HRK: variants seen among roughly 807,000 people sequenced by gnomAD.
The protein encoded by HRK is activator of apoptosis harakiri.
In HRK, 6 loss-of-function variants were observed where a neutral mutation model predicts 5.9. The ratio of observed to expected loss-of-function variants is 1.02; its 90% CI spans 0.56 to 2.01. The LOEUF (loss-of-function observed/expected upper bound fraction) is 2.01, where lower values mean the gene tolerates loss of function less well. Among genes scored for constraint, HRK ranks in the 30% most tolerant of loss-of-function variants. HRK has a pLI of 0.00. For missense variants in HRK, 133 were observed against 128.3 expected (o/e 1.04, Z -0.18); for synonymous variants, 85 against 65.1 (o/e 1.31, Z -1.47).
intron 1 of HRK, among the ~76,000 whole-genome samples, chr12:116,864,303 C>T (rs1290402559): frequency 6.6e-6 from 1 of 152,144 alleles, no homozygotes; most frequent in Non-Finnish European, 1.5e-5. Flanking sequence ...ACCTATTATG[C>T]TATTGAGTGT....
At position 116,858,742 on chromosome 12, in the gene HRK, TC is replaced by T. The variant is rs1878248394; in HGVS notation, c.*2780del. 6.6e-6 allele frequency: 1 copy of T among 151,564 alleles called. No individual in the cohort carries two copies. Among genetic ancestry groups the T allele is most frequent in the South Asian group, 2.1e-4 (1 of 4,786 alleles). The allele number at this position is 151,564 out of a possible 1,614,324, so 9.4% of individuals were successfully genotyped here. On this transcript the variant is annotated 3_prime_UTR_variant, in exon 2 of 2. Coordinates refer to ENST00000257572, the MANE Select transcript of HRK (RefSeq NM_003806.4). ...AGTGAAGCTAATCAAAATCAATGAC[TC>T]CTTGGCAGCCAGAGAAAAGTGGGGG...
At chr12:116,870,963 A>G (rs1215319835) in intron 1 of HRK, among the ~76,000 whole-genome samples, 7 of 152,166 alleles carry the variant, frequency 4.6e-5, no homozygotes, top group South Asian at 2.1e-4. Flanking sequence ...CTGTCGCTCA[A>G]GCTGGAGTGC....
chr12:116,872,736 C>G (rs1313745222), intron 1 of HRK, among the ~76,000 whole-genome samples: 2 of 151,850 alleles, frequency 1.3e-5, no homozygotes, highest in Non-Finnish European at 2.9e-5. Context: ...GATCCTGCTA[C>G]TGCACTCCAG....
At chr12:116,867,177 T>C (rs1878577706) in intron 1 of HRK, among the ~76,000 whole-genome samples, 1 of 151,702 alleles carries the variant, frequency 6.6e-6, no homozygotes, top group African/African-American at 2.4e-5. Context: ...GTTTCGCAAT[T>C]ATTGCCCAGG....
intron 1 of HRK, among the ~76,000 whole-genome samples, chr12:116,877,346 G>A (rs1393820755): frequency 6.6e-6 from 1 of 151,948 alleles, no homozygotes; most frequent in African/African-American, 2.4e-5. Context: ...CTGAACCACT[G>A]GCCCGGCCTG....
intron 1 of HRK, chr12:116,876,799 C>G (rs1011153144): frequency 1.3e-5 from 2 of 152,394 alleles, no homozygotes; most frequent in African/African-American, 4.8e-5. Flanking sequence ...TCCCCTGGGG[C>G]TCTGGAAGAA....
Position 116,857,124 on chromosome 12 carries a change from T to G in HRK, c.*4399A>C, listed in dbSNP as rs1878179959. 1 of 152,224 alleles carries G rather than the reference T, an allele frequency of 6.6e-6. No individual in the cohort carries two copies. Among genetic ancestry groups the G allele is most frequent in the Admixed American group, 6.5e-5 (1 of 15,286 alleles). The allele number at this position is 152,224 out of a possible 1,614,324, so 9.4% of individuals were successfully genotyped here. A position where few individuals can be genotyped will look rare whatever the true frequency, so the allele number is the denominator to read the frequency against. ...AAAGCTTGGGGTCACAGTGGTGACC[T>G]GACAAATCTGTTAAACATCGTGAAC... On this transcript the variant is annotated 3_prime_UTR_variant, in exon 2 of 2. Coordinates refer to ENST00000257572, the MANE Select transcript of HRK (RefSeq NM_003806.4).
At chr12:116,875,355 A>G (rs529391970) in intron 1 of HRK, among the ~76,000 whole-genome samples, 4 of 152,180 alleles carry the variant, frequency 2.6e-5, no homozygotes, top group Non-Finnish European at 5.9e-5. Context: ...CAAGAACAAT[A>G]TTTACTTATT....
In HRK at chr12:116,857,391, G is replaced by T. The variant is rs556944111; in HGVS notation, c.*4132C>A. The T allele has an allele frequency of 6.6e-6, 1 of 152,334 alleles. No homozygotes were observed. Among genetic ancestry groups the T allele is most frequent in the Non-Finnish European group, 1.5e-5 (1 of 68,028 alleles). 9.4% of individuals were successfully genotyped at this position (152,334 alleles called of 1,614,324 possible). A position where few individuals can be genotyped will look rare whatever the true frequency, so the allele number is the denominator to read the frequency against. Reference sequence around the variant, plus strand: ...CTTCCAGTCAGCTCCATGGGACTAAGAAGAGTGTCTAGCTGGTCCCCCAAA... The same window carrying T: ...CTTCCAGTCAGCTCCATGGGACTAATAAGAGTGTCTAGCTGGTCCCCCAAA... On this transcript the variant is annotated 3_prime_UTR_variant, in exon 2 of 2. Coordinates refer to ENST00000257572, the MANE Select transcript of HRK (RefSeq NM_003806.4).
intron 1 of HRK, among the ~76,000 whole-genome samples, chr12:116,861,780 G>A (rs990820149): frequency 6.6e-6 from 1 of 152,196 alleles, no homozygotes; most frequent in African/African-American, 2.4e-5. Context: ...TTAAAAAGAA[G>A]AATCTAGAGA....
intron 1 of HRK, among the ~76,000 whole-genome samples, chr12:116,864,828 T>A (rs1004472918): frequency 1.3e-5 from 2 of 152,134 alleles, no homozygotes; most frequent in African/African-American, 2.4e-5. Context: ...GCAGTAGTAA[T>A]CGTGCAATTT....
At chr12:116,869,417 C>G (rs1210507197) in intron 1 of HRK, 1 of 152,180 alleles carries the variant, frequency 6.6e-6, no homozygotes, top group Non-Finnish European at 1.5e-5. Context: ...AGAGATAAAA[C>G]AGAATTTATT....
Position 116,861,278 on chromosome 12 carries a change from G to A in HRK, c.*245C>T, listed in dbSNP as rs563509806. 1 of 152,162 alleles carries A rather than the reference G, an allele frequency of 6.6e-6. No homozygotes were observed. Among genetic ancestry groups the A allele is most frequent in the Non-Finnish European group, 1.5e-5 (1 of 68,070 alleles). The allele number at this position is 152,162 out of a possible 1,614,324, so 9.4% of individuals were successfully genotyped here. On this transcript the variant is annotated 3_prime_UTR_variant, in exon 2 of 2. Transcript: ENST00000257572. ...AGAGCTGTATGTAAATAGCATTGGG[G>A]TGTCTGTTTCTGCAGCTGGATTTCC...
At chr12:116,875,016 C>T (rs1878880098) in intron 1 of HRK, among the ~76,000 whole-genome samples, 1 of 152,076 alleles carries the variant, frequency 6.6e-6, no homozygotes. Flanking sequence ...TCCATGGATT[C>T]AACCAACCTC....
In HRK at chr12:116,859,249, G is replaced by A. The variant is rs1194607520; in HGVS notation, c.*2274C>T. ...AACATCAAAAGCCAGTAGGCAAGTCGGGGCTGAAAAAGGGATCCTCTCACC... is the reference window on the plus strand; with the variant it reads ...AACATCAAAAGCCAGTAGGCAAGTCAGGGCTGAAAAAGGGATCCTCTCACC... On this transcript the variant is annotated 3_prime_UTR_variant, in exon 2 of 2. Coordinates refer to ENST00000257572, the MANE Select transcript of HRK (RefSeq NM_003806.4). The A allele has an allele frequency of 1.3e-5, 2 of 152,082 alleles. No individual in the cohort carries two copies. The highest frequency in any genetic ancestry group is 2.4e-5 in the African/African-American group (1 of 41,430). 9.4% of individuals were successfully genotyped at this position (152,082 alleles called of 1,614,324 possible).
Position 116,860,649 on chromosome 12 carries a change from A to G in HRK, c.*874T>C, listed in dbSNP as rs1211650041. 1.3e-5 allele frequency: 2 copies of G among 151,330 alleles called. No homozygotes were observed. The highest frequency in any genetic ancestry group is 2.9e-5 in the Non-Finnish European group (2 of 67,874). 9.4% of individuals were successfully genotyped at this position (151,330 alleles called of 1,614,324 possible). A position where few individuals can be genotyped will look rare whatever the true frequency, so the allele number is the denominator to read the frequency against. ...GGTTTGCTCCAAACCACCTCTGGATATTCGTCCCCAGGTAGAAGAAGAGAA... is the reference window on the plus strand; with the variant it reads ...GGTTTGCTCCAAACCACCTCTGGATGTTCGTCCCCAGGTAGAAGAAGAGAA... On this transcript the variant is annotated 3_prime_UTR_variant, in exon 2 of 2. Coordinates refer to ENST00000257572, the MANE Select transcript of HRK (RefSeq NM_003806.4).
At chr12:116,872,907 A>G (rs1249792123) in intron 1 of HRK, among the ~76,000 whole-genome samples, 2 of 138,446 alleles carry the variant, frequency 1.4e-5, no homozygotes, top group African/African-American at 5.2e-5. Flanking sequence ...AAGAGAGAAA[A>G]AGAGAAAGGA....
chr12:116,857,176 A>G lies in HRK; in HGVS notation c.*4347T>C, dbSNP rs1446948648. 1.3e-5 allele frequency: 2 copies of G among 152,230 alleles called. No homozygotes were observed. Among genetic ancestry groups the G allele is most frequent in the Admixed American group, 6.5e-5 (1 of 15,284 alleles). 9.4% of individuals were successfully genotyped at this position (152,230 alleles called of 1,614,324 possible). ...AGACTGGAAAGGAACATTTCACATC[A>G]TCTGCTTCCGAGCAGGACTGCCCCT... On this transcript the variant is annotated 3_prime_UTR_variant, in exon 2 of 2. Transcript: ENST00000257572.
intron 1 of HRK, among the ~76,000 whole-genome samples, chr12:116,875,963 C>G (rs1878911341): frequency 6.6e-6 from 1 of 152,176 alleles, no homozygotes; most frequent in Non-Finnish European, 1.5e-5. Context: ...CCCGTGAAAT[C>G]CTATCACAGG....
Sources: allele counts gnomAD v4.1 joint callset (sites outside exome capture counted in the v4.1 genomes callset), GRCh38; gene constraint gnomAD v4.1.1; transcripts MANE v1.5; gene names NCBI Gene and HGNC (gene_info 2026-07-23, HGNC 2026-07-21).